Variants in MARCHF11 observed in about 807,000 individuals in gnomAD.
MARCHF11 encodes the protein E3 ubiquitin-protein ligase MARCHF11.
Under a neutral mutation model 37.3 loss-of-function variants are expected in MARCHF11, and 29 were observed. The ratio of observed to expected loss-of-function variants is 0.78; its 90% confidence interval spans 0.58 to 1.06. The LOEUF is 1.06. MARCHF11 is among the 50% of genes least tolerant of loss of function. The pLI is 0.00. For synonymous variants in MARCHF11, 233 were observed against 228.0 expected (o/e 1.02, Z -0.20); for missense variants, 482 against 533.4 (o/e 0.90, Z 0.95).
intron 2 of MARCHF11, among the ~76,000 whole-genome samples, chr5:16,161,374 G>A (rs1006682060): frequency 2.6e-5 from 4 of 151,470 alleles, no homozygotes; most frequent in African/African-American, 7.3e-5. Flanking sequence ...AATGACCATC[G>A]CTTTTCTCCT....
At chr5:16,096,354 A>C (rs1736868185) in intron 2 of MARCHF11, among the ~76,000 whole-genome samples, 1 of 152,230 alleles carries the variant, frequency 6.6e-6, no homozygotes, top group Admixed American at 6.5e-5. Flanking sequence ...AAGGAGTTAT[A>C]TCTCTTTAAT....
chr5:16,091,132 A>AC, intron 2 of MARCHF11, 51 bp from the exon 3 acceptor site: 2 of 1,149,736 alleles, frequency 1.7e-6, no homozygotes, highest in South Asian at 3.4e-5. Flanking sequence ...TAATTAAAAA[A>AC]GAAAAAAAAA....
chr5:16,119,884 A>T (rs2126576291), intron 2 of MARCHF11, among the ~76,000 whole-genome samples: 1 of 152,318 alleles, frequency 6.6e-6, no homozygotes. Flanking sequence ...AATGAAGTCA[A>T]ATGAATGCGC....
At chr5:16,147,698 C>CAT (rs3034847) in intron 2 of MARCHF11, among the ~76,000 whole-genome samples, 127,529 of 151,888 alleles carry the variant, frequency 0.84, 53,723 homozygotes, top group Middle Eastern at 0.88. Flanking sequence ...AGTTATTCCA[C>CAT]GAGTCATTCC....
Position 16,179,166 on chromosome 5 carries a change from T to C in MARCHF11, c.410A>G (p.Asp137Gly). Residue 137 changes from aspartate (D) to glycine (G), a missense_variant, in exon 1 of 4, where the codon GAC becomes GGC. Asp to Gly is a moderately conservative substitution (Grantham distance 94). Transcript: ENST00000332432. ...GGERERRGAGDQPETRSVCSS... is the reference protein window; with the variant it reads ...GGERERRGAGGQPETRSVCSS... The stretch of plus-strand genomic sequence containing the variant: ...GCACACCGAGCGCGTCTCGGGCTGG[T>C]CTCCGGCGCCCCGCCGCTCGCGCTC... 1.4e-6 allele frequency: 2 copies of C among 1,407,310 alleles called. No homozygotes were observed. The highest frequency in any genetic ancestry group is 3.1e-5 in the East Asian group (1 of 32,566). The allele number at this position is 1,407,310 out of a possible 1,614,324, so 87.2% of individuals were successfully genotyped here. A position where few individuals can be genotyped will look rare whatever the true frequency, so the allele number is the denominator to read the frequency against.
At chr5:16,116,621 A>G (rs1227190475) in intron 2 of MARCHF11, among the ~76,000 whole-genome samples, 6 of 152,096 alleles carry the variant, frequency 3.9e-5, no homozygotes, top group Non-Finnish European at 7.3e-5. Flanking sequence ...AGAAAAATTA[A>G]TCTTAGGCTA....
chr5:16,171,777 C>T (rs564715067), intron 2 of MARCHF11, among the ~76,000 whole-genome samples: 13 of 152,232 alleles, frequency 8.5e-5, no homozygotes, highest in Admixed American at 6.5e-4. Flanking sequence ...AGTTTGGAGC[C>T]ATGACAAGGC....
At chr5:16,148,994 G>A (rs761484724) in intron 2 of MARCHF11, among the ~76,000 whole-genome samples, 3 of 152,098 alleles carry the variant, frequency 2.0e-5, no homozygotes, top group Non-Finnish European at 1.5e-5. Flanking sequence ...GGATTTAGAG[G>A]TGGACACAGC....
intron 2 of MARCHF11, among the ~76,000 whole-genome samples, chr5:16,110,278 C>A (rs1378782564): frequency 1.3e-5 from 2 of 152,094 alleles, no homozygotes; most frequent in Non-Finnish European, 2.9e-5. Context: ...TCACAAAAAT[C>A]ATAATGCAAA....
At chr5:16,075,607 G>A (rs182086248) in intron 3 of MARCHF11, among the ~76,000 whole-genome samples, 52 of 152,190 alleles carry the variant, frequency 3.4e-4, no homozygotes, top group African/African-American at 1.2e-3. Context: ...GAGAGAGAGA[G>A]GAGAGTAGCT....
Position 16,179,719 on chromosome 5 carries a change from A to T in MARCHF11, c.-144T>A. 2.8e-5 allele frequency: 7 copies of T among 246,082 alleles called. No individual in the cohort carries two copies. The highest frequency in any genetic ancestry group is 1.4e-4 in the East Asian group (1 of 7,298). 15.2% of individuals were successfully genotyped at this position (246,082 alleles called of 1,614,324 possible). On this transcript the variant is annotated 5_prime_UTR_variant, in exon 1 of 4. Coordinates refer to ENST00000332432, the MANE Select transcript of MARCHF11 (RefSeq NM_001102562.3). ...CCTGGGGCTAGGGGGCGGGACGGGG[A>T]GGGGATGCGGAAGGTTCTGCAGCTG...
chr5:16,093,022 C>T (rs151044090), intron 2 of MARCHF11, among the ~76,000 whole-genome samples: 4 of 152,180 alleles, frequency 2.6e-5, no homozygotes, highest in African/African-American at 9.7e-5. Context: ...CGAAGAAAAT[C>T]GCTATCAACC....
At chr5:16,113,388 G>A (rs1442723584) in intron 2 of MARCHF11, among the ~76,000 whole-genome samples, 4 of 152,148 alleles carry the variant, frequency 2.6e-5, no homozygotes, top group African/African-American at 9.7e-5. Context: ...CACACGAAAA[G>A]TATGACCAAA....
At chr5:16,133,753 G>A (rs1478713879) in intron 2 of MARCHF11, among the ~76,000 whole-genome samples, 1 of 152,026 alleles carries the variant, frequency 6.6e-6, no homozygotes, top group East Asian at 1.9e-4. Flanking sequence ...AAGAAGAATT[G>A]TCTTGGACCA....
At position 16,166,527 on chromosome 5, in the gene MARCHF11, T is replaced by G. The variant is rs576492294; in HGVS notation, c.693+11199A>C. 2.5e-3 allele frequency among the ~76,000 whole-genome samples: 377 copies of G among 151,948 alleles called. 3 individuals carry two copies. Among genetic ancestry groups the G allele is most frequent in the African/African-American group, 8.0e-3 (332 of 41,516 alleles). On this transcript the variant is annotated intron_variant, in intron 2 of 3. Transcript: ENST00000332432. ...GAGTTTATATAAACTATATAAACCA[T>G]TTCTATCAACACAGAAATGGTTACA...
At chr5:16,154,964 AC>A (rs1438920771) in intron 2 of MARCHF11, among the ~76,000 whole-genome samples, 1 of 151,822 alleles carries the variant, frequency 6.6e-6, no homozygotes, top group Non-Finnish European at 1.5e-5. Context: ...CATATTCAAA[AC>A]CCAACATTCC....
intron 2 of MARCHF11, among the ~76,000 whole-genome samples, chr5:16,174,066 GATCC>G (rs1738316738): frequency 6.6e-6 from 1 of 152,132 alleles, no homozygotes; most frequent in African/African-American, 2.4e-5. Flanking sequence ...TCTCTTCAAA[GATCC>G]ATCATGCCTC....
chr5:16,151,558 G>C (rs879406920), intron 2 of MARCHF11, among the ~76,000 whole-genome samples: 2 of 35,400 alleles, frequency 5.6e-5, no homozygotes, highest in Non-Finnish European at 1.1e-4. Context: ...TTTTTTTTTT[G>C]TCTCCTAGCA....
chr5:16,090,191 C>A (rs188543161), intron 3 of MARCHF11, among the ~76,000 whole-genome samples: 12 of 152,306 alleles, frequency 7.9e-5, no homozygotes, highest in African/African-American at 2.6e-4. Context: ...CATCGCGATG[C>A]CTGTGCACCT....
Sources: gnomAD v4.1 joint callset for allele counts (sites outside exome capture counted in the v4.1 genomes callset) on GRCh38, gnomAD v4.1.1 for gene constraint, MANE v1.5 for transcripts, NCBI Gene and HGNC (gene_info 2026-07-23, HGNC 2026-07-21) for gene names.